The following SEM1 variants were observed in gnomAD, a reference collection of about 807,000 sequenced individuals.
SEM1 encodes 26S proteasome complex subunit SEM1.
Under a neutral mutation model 12.7 loss-of-function variants are expected in SEM1, and 3 were observed. That is an observed-to-expected ratio of 0.24 (90% CI 0.11 to 0.61). SEM1 has a LOEUF of 0.61. SEM1 is among the 20% of genes least tolerant of loss of function. The pLI is 0.88. For synonymous variants in SEM1, 30 were observed against 27.8 expected (o/e 1.08, Z -0.25); for missense variants, 59 against 81.3 (o/e 0.73, Z 1.06).
chr7:96,646,548 A>G (rs1808800021), intron 2 of SEM1, among the ~76,000 whole-genome samples: 1 of 152,144 alleles, frequency 6.6e-6, no homozygotes. Flanking sequence ...TACAAACTAT[A>G]CATGTAAGAT....
intron 2 of SEM1, among the ~76,000 whole-genome samples, chr7:96,655,037 G>C (rs969363593): frequency 6.6e-6 from 1 of 152,160 alleles, no homozygotes; most frequent in Non-Finnish European, 1.5e-5. Flanking sequence ...TAAGCACTTA[G>C]AGCCTAGTCT....
Position 96,525,890 on chromosome 7 carries a change from C to T in SEM1, c.171-19192G>A, listed in dbSNP as rs369270783. Among the ~76,000 whole-genome samples the T allele has an allele frequency of 4.6e-5, 7 of 152,200 alleles. No individual in the cohort carries two copies. The East Asian group carries it at 5.8e-4, about 13-fold the overall frequency. ...GATCTGAGGTGGAACAGTTTCATCC[C>T]GAAACCATCCCTCAGTCCATGGAAA... On this transcript the variant is annotated intron_variant and NMD_transcript_variant, in intron 2 of 3. Coordinates refer to the SEM1 transcript ENST00000466986.
intron 2 of SEM1, among the ~76,000 whole-genome samples, chr7:96,638,695 A>G (rs534660460): frequency 1.3e-5 from 2 of 152,100 alleles, no homozygotes; most frequent in South Asian, 2.1e-4. Context: ...AATATTAAGA[A>G]TAACATAACC....
chr7:96,643,503 C>G (rs1808682383), intron 2 of SEM1, among the ~76,000 whole-genome samples: 1 of 152,022 alleles, frequency 6.6e-6, no homozygotes, highest in Admixed American at 6.6e-5. Flanking sequence ...GACACATGCA[C>G]ACGTATGTTT....
At chr7:96,536,809 T>C (rs992291579) in intron 2 of SEM1, among the ~76,000 whole-genome samples, 2 of 151,840 alleles carry the variant, frequency 1.3e-5, no homozygotes, top group Non-Finnish European at 2.9e-5. Context: ...TTTTACTTTA[T>C]ATTTAAAGTG....
At chr7:96,483,692 T>C (rs548563385) in exon 4 of SEM1, 1 of 734,308 alleles carries the variant, frequency 1.4e-6, no homozygotes, top group East Asian at 2.7e-5. Flanking sequence ...ATAATTCATC[T>C]GTCTGAACTT....
intron 2 of SEM1, among the ~76,000 whole-genome samples, chr7:96,604,458 A>C (rs1228918548): frequency 6.6e-6 from 1 of 152,160 alleles, no homozygotes; most frequent in Non-Finnish European, 1.5e-5. Flanking sequence ...TCATGAATTT[A>C]GCAGTCATGC....
intron 2 of SEM1, among the ~76,000 whole-genome samples, chr7:96,628,025 T>G (rs1563089044): frequency 1.3e-5 from 2 of 152,126 alleles, no homozygotes. Flanking sequence ...TACAGCGACC[T>G]TCTTTGTCTC....
chr7:96,661,778 G>A (rs186425231), intron 2 of SEM1, among the ~76,000 whole-genome samples: 8 of 151,910 alleles, frequency 5.3e-5, no homozygotes, highest in African/African-American at 1.4e-4. Flanking sequence ...ACCTGAGGTC[G>A]GGAGTTCAAG....
intron 2 of SEM1, among the ~76,000 whole-genome samples, chr7:96,546,970 A>C (rs1805120134): frequency 6.6e-6 from 1 of 152,156 alleles, no homozygotes; most frequent in Admixed American, 6.6e-5. Context: ...GCATGAGGAC[A>C]TATATGTATC....
At chr7:96,544,545 A>T (rs1805049719) in intron 2 of SEM1, among the ~76,000 whole-genome samples, 1 of 152,008 alleles carries the variant, frequency 6.6e-6, no homozygotes, top group African/African-American at 2.4e-5. Context: ...TTAATGTTTA[A>T]TGTTACTGAA....
chr7:96,589,448 C>A (rs1298210724), intron 2 of SEM1, among the ~76,000 whole-genome samples: 2 of 152,196 alleles, frequency 1.3e-5, no homozygotes, highest in South Asian at 2.1e-4. Flanking sequence ...TTTAGGGATA[C>A]CCCCGAGGCT....
At chr7:96,625,771 T>C (rs913457039) in intron 2 of SEM1, among the ~76,000 whole-genome samples, 1 of 152,226 alleles carries the variant, frequency 6.6e-6, no homozygotes, top group Admixed American at 6.5e-5. Flanking sequence ...TAAATTTGGC[T>C]ACACTTTGGG....
chr7:96,547,986 T>A (rs1328755357), intron 2 of SEM1, among the ~76,000 whole-genome samples: 1 of 152,132 alleles, frequency 6.6e-6, no homozygotes, highest in Non-Finnish European at 1.5e-5. Context: ...TAGGTCAAAG[T>A]TGAGATGGGG....
intron 2 of SEM1, among the ~76,000 whole-genome samples, chr7:96,533,209 CTG>C (rs1804690404): frequency 6.6e-6 from 1 of 152,032 alleles, no homozygotes; most frequent in Non-Finnish European, 1.5e-5. Context: ...CAAAATGAAA[CTG>C]TCCCCAGAAT....
chr7:96,528,144 A>G (rs747456169), intron 2 of SEM1, among the ~76,000 whole-genome samples: 21 of 152,092 alleles, frequency 1.4e-4, no homozygotes, highest in Non-Finnish European at 2.5e-4. Flanking sequence ...GCTTCATGTT[A>G]TTAAACCTCA....
chr7:96,511,097 T>C (rs932337928), intron 2 of SEM1, among the ~76,000 whole-genome samples: 2 of 152,102 alleles, frequency 1.3e-5, no homozygotes, highest in African/African-American at 4.8e-5. Context: ...TGGTAGACTC[T>C]AATCACTGCC....
intron 2 of SEM1, among the ~76,000 whole-genome samples, chr7:96,577,421 AATTATAAAATTATTT>A (rs1410615922): frequency 3.3e-5 from 5 of 151,998 alleles, no homozygotes; most frequent in African/African-American, 7.2e-5. Context: ...TGTTACGATT[AATTATAAAATTATTT>A]ATTATAAAAT....
intron 2 of SEM1, among the ~76,000 whole-genome samples, chr7:96,545,134 C>CTTTT (rs1805067667): frequency 6.6e-6 from 1 of 151,912 alleles, no homozygotes. Flanking sequence ...GGATGCACCC[C>CTTTT]TTTTTAGGTT....
Sources: gnomAD v4.1 joint callset for allele counts (sites outside exome capture counted in the v4.1 genomes callset) on GRCh38, gnomAD v4.1.1 for gene constraint, MANE v1.5 for transcripts, NCBI Gene and HGNC (gene_info 2026-07-23, HGNC 2026-07-21) for gene names.